SEC31A: variants seen among roughly 807,000 people sequenced by gnomAD.
The protein encoded by SEC31A is SEC31 homolog A, COPII component, also known as protein transport protein Sec31A.
A neutral mutation model predicts 151.0 loss-of-function variants in SEC31A; 70 were observed. That is an observed-to-expected ratio of 0.46 (90% CI 0.38 to 0.57). The LOEUF (loss-of-function observed/expected upper bound fraction) is 0.57. SEC31A is among the 20% of genes least tolerant of loss of function. The pLI is 0.00. For missense variants in SEC31A, 1,330 were observed against 1,471.2 expected (o/e 0.90, Z 1.57); for synonymous variants, 475 against 505.9 (o/e 0.94, Z 0.82).
chr4:82,871,226 T>TA (rs2125678341), intron 7 of SEC31A: 2 of 1,079,400 alleles, frequency 1.9e-6, no homozygotes, highest in South Asian at 3.7e-5. Flanking sequence ...CATTATATGG[T>TA]ATTCATGATT....
intron 22 of SEC31A, among the ~76,000 whole-genome samples, chr4:82,835,209 C>T (rs1012821530): frequency 6.6e-6 from 1 of 151,970 alleles, no homozygotes; most frequent in African/African-American, 2.4e-5. Context: ...CCTTTAATAG[C>T]GACAGGACAT....
chr4:82,827,149 G>A (rs1358773556), intron 24 of SEC31A, among the ~76,000 whole-genome samples: 2 of 152,038 alleles, frequency 1.3e-5, no homozygotes, highest in African/African-American at 2.4e-5. Context: ...GTAAACAAAC[G>A]CTCTCAAATG....
At chr4:82,856,526 G>A (rs1031641147) in intron 16 of SEC31A, among the ~76,000 whole-genome samples, 4 of 151,568 alleles carry the variant, frequency 2.6e-5, no homozygotes, top group Admixed American at 6.6e-5. Flanking sequence ...CGAGGTGGGC[G>A]GATGACCTGA....
rs565336375 is a variant in SEC31A at position 82,851,710 on chromosome 4, A to C, written c.2155-106T>G. ...GATTTCTAAAACCCACTAAAAATAT[A>C]GTACCTGTTATCATCCCTCCTAGAA... On this transcript the variant is annotated intron_variant, in intron 18 of 26. Transcript: ENST00000395310. 3 of 914,862 alleles carry C rather than the reference A, an allele frequency of 3.3e-6. No homozygotes were observed. The East Asian group carries it at 8.0e-5, about 25-fold the overall frequency. 56.7% of individuals were successfully genotyped at this position (914,862 alleles called of 1,614,324 possible). A position where few individuals can be genotyped will look rare whatever the true frequency, so the allele number is the denominator to read the frequency against.
In SEC31A at chr4:82,875,807, A is replaced by C. The variant is rs746764599; in HGVS notation, c.418T>G (p.Ser140Ala). 2 of 1,601,818 alleles carry C rather than the reference A, an allele frequency of 1.2e-6. No homozygotes were observed. Among genetic ancestry groups the C allele is most frequent in the Non-Finnish European group, 1.7e-6 (2 of 1,172,806 alleles). Residue 140 changes from serine (S) to alanine (A), a missense_variant, in exon 5 of 27, where the codon TCT (serine) becomes GCT (alanine). By Grantham distance (99) the Ser-to-Ala change is moderately conservative. Coordinates refer to ENST00000395310, the MANE Select transcript of SEC31A (RefSeq NM_001077207.4). ...VNIFQTNLVA[S>A]GANESEIYIW... ...TAGATTTCAGATTCATTAGCACCAGAAGCTACCAGATTAGTCTGCAAGAAG... is the reference window on the plus strand; with the variant it reads ...TAGATTTCAGATTCATTAGCACCAGCAGCTACCAGATTAGTCTGCAAGAAG...
intron 3 of SEC31A, chr4:82,899,542 GC>G (rs1720217594): frequency 6.6e-6 from 1 of 152,326 alleles, no homozygotes; most frequent in African/African-American, 2.4e-5. Flanking sequence ...ACACCTTACA[GC>G]CAAAAAGTAT....
intron 19 of SEC31A, 139 bp from the exon 20 acceptor site, chr4:82,849,116 A>C: frequency 1.3e-6 from 1 of 743,282 alleles, no homozygotes; most frequent in Non-Finnish European, 2.1e-6. Flanking sequence ...AGACCCTGAC[A>C]CACAGATTTG....
chr4:82,878,614 C>T, intron 4 of SEC31A, 116 bp downstream of exon 4: 1 of 781,358 alleles, frequency 1.3e-6, no homozygotes. Flanking sequence ...ACTCGTCAAC[C>T]TGTATAGCCA....
exon 2 of SEC31A, chr4:82,900,093 T>C (rs1308830333): frequency 3.3e-5 from 5 of 152,436 alleles, no homozygotes; most frequent in Admixed American, 2.6e-4. Flanking sequence ...TCCTTCATTG[T>C]GGCAAAGTGT....
chr4:82,854,022 G>A (rs1442615050), intron 17 of SEC31A, among the ~76,000 whole-genome samples: 1 of 152,140 alleles, frequency 6.6e-6, no homozygotes, highest in Non-Finnish European at 1.5e-5. Context: ...AGGCACATTT[G>A]GAATAGATTT....
intron 14 of SEC31A, chr4:82,857,998 C>T (rs528541391): frequency 4.4e-4 from 155 of 353,890 alleles, no homozygotes; most frequent in Non-Finnish European, 7.1e-4. Context: ...GTTAAACAGG[C>T]TGGGCACAGT....
At chr4:82,838,836 C>T (rs1337628241) in intron 22 of SEC31A, among the ~76,000 whole-genome samples, 1 of 152,204 alleles carries the variant, frequency 6.6e-6, no homozygotes. Context: ...TCTCTGAGCC[C>T]TGAGCACATA....
intron 21 of SEC31A, 185 bp from the exon 22 acceptor site, chr4:82,842,666 T>G: frequency 6.8e-5 from 36 of 528,076 alleles, no homozygotes; most frequent in East Asian, 9.4e-5. Flanking sequence ...TTGAATTCAA[T>G]AGCTTCAGTA....
At chr4:82,869,665 TC>T (rs770848499) in intron 8 of SEC31A, among the ~76,000 whole-genome samples, 13 of 152,266 alleles carry the variant, frequency 8.5e-5, no homozygotes, top group Non-Finnish European at 1.9e-4. Flanking sequence ...TAATTTTTTT[TC>T]TCTTGTCTCC....
chr4:82,889,588 CAT>C (rs1053535602), intron 1 of SEC31A, among the ~76,000 whole-genome samples: 6 of 150,906 alleles, frequency 4.0e-5, no homozygotes, highest in Non-Finnish European at 8.9e-5. Flanking sequence ...GAAAATCCTA[CAT>C]GTGTGTATAT....
chr4:82,890,735 C>A, intron 1 of SEC31A: 1 of 1,125,862 alleles, frequency 8.9e-7, no homozygotes, highest in African/African-American at 1.6e-5. Flanking sequence ...CCTCTCCTCA[C>A]CCTCGGGGAC....
At chr4:82,880,088 C>T (rs1420949212) in intron 3 of SEC31A, among the ~76,000 whole-genome samples, 1 of 151,766 alleles carries the variant, frequency 6.6e-6, no homozygotes, top group African/African-American at 2.4e-5. Context: ...GAGGCTGAGG[C>T]AGGAGAATTG....
chr4:82,880,941 T>C lies in SEC31A; in HGVS notation c.80-19A>G, dbSNP rs1739140548. On this transcript the variant is annotated intron_variant, in intron 2 of 26. Coordinates refer to ENST00000395310, the MANE Select transcript of SEC31A (RefSeq NM_001077207.4). ...GATGTTCCTATAGAAAATATATTTA[T>C]GGTAACTATACACACAAAAATAAAA... 2 of 1,585,568 alleles carry C rather than the reference T, an allele frequency of 1.3e-6. No homozygotes were observed. Among genetic ancestry groups the C allele is most frequent in the Non-Finnish European group, 1.7e-6 (2 of 1,162,338 alleles).
intron 4 of SEC31A, among the ~76,000 whole-genome samples, chr4:82,876,675 A>G (rs1738028421): frequency 6.6e-6 from 1 of 152,168 alleles, no homozygotes; most frequent in African/African-American, 2.4e-5. Context: ...AGGTGGCAAT[A>G]TTTCTAGGTT....
Sources: gnomAD v4.1 joint callset for allele counts (sites outside exome capture counted in the v4.1 genomes callset) on GRCh38, gnomAD v4.1.1 for gene constraint, MANE v1.5 for transcripts, NCBI Gene and HGNC (gene_info 2026-07-23, HGNC 2026-07-21) for gene names.